Variants in APBB2 observed in about 807,000 individuals in gnomAD.
The protein encoded by APBB2 is Fe65-like 1.
In APBB2, 38 loss-of-function variants were observed where a neutral mutation model predicts 82.5. That is an observed-to-expected ratio of 0.46 (90% CI 0.36 to 0.60). APBB2 has a LOEUF of 0.60. Ranked by LOEUF, APBB2 falls within the 20% of genes least tolerant of loss-of-function variation. The pLI is 0.00. For missense variants in APBB2, 772 were observed against 972.3 expected (o/e 0.79, Z 2.74); for synonymous variants, 341 against 368.2 (o/e 0.93, Z 0.85).
At chr4:40,907,268 ATTAAG>A (rs1777013953) in intron 10 of APBB2, among the ~76,000 whole-genome samples, 1 of 150,490 alleles carries the variant, frequency 6.6e-6, no homozygotes. Context: ...TAATGCAGTA[ATTAAG>A]TTAAATGAGC....
chr4:40,905,105 G>A (rs911677647), intron 10 of APBB2, among the ~76,000 whole-genome samples: 1 of 152,176 alleles, frequency 6.6e-6, no homozygotes, highest in South Asian at 2.1e-4. Context: ...CAAAGAGGAC[G>A]GTCATGATCA....
chr4:40,854,732 T>C (rs1436487927), intron 12 of APBB2, among the ~76,000 whole-genome samples: 1 of 138,626 alleles, frequency 7.2e-6, no homozygotes, highest in Non-Finnish European at 1.5e-5. Context: ...CAGGTTGCAG[T>C]AAGCCAAGAT....
At chr4:41,198,266 G>A in intron 1 of APBB2, among the ~76,000 whole-genome samples, 1 of 152,148 alleles carries the variant, frequency 6.6e-6, no homozygotes, top group East Asian at 1.9e-4. Flanking sequence ...TGTTAATGGA[G>A]GAATAAGCGC....
At chr4:41,011,148 GT>G (rs1029284742) in intron 6 of APBB2, among the ~76,000 whole-genome samples, 7,672 of 143,360 alleles carry the variant, frequency 0.054, 412 homozygotes, top group African/African-American at 0.14. Context: ...GATTATTATT[GT>G]TTTTTTTTTT....
intron 12 of APBB2, among the ~76,000 whole-genome samples, chr4:40,843,172 C>A (rs769537061): frequency 6.6e-6 from 1 of 152,142 alleles, no homozygotes; most frequent in African/African-American, 2.4e-5. Flanking sequence ...GCAACTAGAC[C>A]GAAGAGCATG....
Position 41,013,754 on chromosome 4 carries a change from G to C in APBB2, c.664C>G (p.Gln222Glu). The C allele has an allele frequency of 2.5e-6, 4 of 1,614,174 alleles. No individual in the cohort carries two copies. The highest frequency in any genetic ancestry group is 1.7e-6 in the Non-Finnish European group (2 of 1,180,030). ...GGGCTGGATGACACTGTGGCTACTT[G>C]GCCGTCTTCAGGGCTGGACTGGGGT... ...NRPQSSPEDGQVATVSSSPET... is the reference protein window; with the variant it reads ...NRPQSSPEDGEVATVSSSPET... The change falls in exon 6 of 18, where the codon CAA becomes GAA. Residue 222 changes from glutamine to glutamate, a missense_variant. By Grantham distance (29) the Gln-to-Glu change is conservative (BLOSUM62 2). Transcript: ENST00000508593.
rs966460898 is a variant in APBB2 at position 40,832,438 on chromosome 4, C to T, written c.1530-1861G>A. On this transcript the variant is annotated intron_variant, in intron 12 of 17. Transcript: ENST00000508593. The surrounding 1 kb of genome is among the most constrained non-coding windows in gnomAD (Gnocchi z 4.8). The stretch of plus-strand genomic sequence containing the variant: ...ACCGGCAATCCACACATGACCCCAA[C>T]ATTTCTCCTCCCAACCTACTCCTGC... 7.9e-4 allele frequency among the ~76,000 whole-genome samples: 121 copies of T among 152,334 alleles called. No individual in the cohort carries two copies. Among genetic ancestry groups the T allele is most frequent in the African/African-American group, 2.7e-3 (114 of 41,574 alleles).
chr4:40,814,558 T>G lies in APBB2; in HGVS notation c.*1534A>C, dbSNP rs756271299. On this transcript the variant is annotated 3_prime_UTR_variant, in exon 18 of 18. Coordinates refer to ENST00000508593, the MANE Select transcript of APBB2 (RefSeq NM_004307.2). ...TAGTACCTTCTCTACCTGGTAAGGC[T>G]CAGATGTGATAAGAATGTGGAAACC... 1 of 152,222 alleles carries G rather than the reference T, an allele frequency of 6.6e-6. No individual in the cohort carries two copies. The highest frequency in any genetic ancestry group is 1.5e-5 in the Non-Finnish European group (1 of 68,042). The allele number at this position is 152,222 out of a possible 1,614,324, so 9.4% of individuals were successfully genotyped here.
At chr4:40,864,256 AAAAACAAAACAAAAC>A (rs367804062) in intron 12 of APBB2, among the ~76,000 whole-genome samples, 2 of 149,894 alleles carry the variant, frequency 1.3e-5, no homozygotes, top group African/African-American at 2.5e-5. Flanking sequence ...CCGTCTCAAT[AAAAACAAAACAAAAC>A]AAAACAAAAC....
rs768351482 is a variant in APBB2, at chr4:41,013,860, C to T, written c.558G>A (p.Ala186=). ...CCTGGACTGGCTGGGATTTCTCTTCCGCAGTCCCATGGTGATTGCCTCGGT... is the reference window on the plus strand; with the variant it reads ...CCTGGACTGGCTGGGATTTCTCTTCTGCAGTCCCATGGTGATTGCCTCGGT... ...EQNRGNHHGT[A]EEKSQPVQGQ... Residue 186 remains alanine (A), a synonymous_variant, in exon 6 of 18, where the codon GCG becomes GCA. Transcript: ENST00000508593. 1.1e-5 allele frequency: 18 copies of T among 1,614,054 alleles called. No homozygotes were observed. The highest frequency in any genetic ancestry group is 6.7e-5 in the African/African-American group (5 of 74,916).
At chr4:41,184,209 G>A (rs10022718) in intron 1 of APBB2, among the ~76,000 whole-genome samples, 45,227 of 151,908 alleles carry the variant, frequency 0.3, 6,793 homozygotes, top group Middle Eastern at 0.33. Context: ...AGCTTCATTC[G>A]CTGGCCTGCC....
Position 41,022,135 on chromosome 4 carries a change from G to A in APBB2, c.20-7737C>T, listed in dbSNP as rs1201191419. On this transcript the variant is annotated intron_variant, in intron 5 of 17. Coordinates refer to ENST00000508593, the MANE Select transcript of APBB2 (RefSeq NM_004307.2). ...CCAGAAGGAATAAATTCCGGACACAGAGGAACAGATGTGAAGGGAATGAGG... is the reference window on the plus strand; with the variant it reads ...CCAGAAGGAATAAATTCCGGACACAAAGGAACAGATGTGAAGGGAATGAGG... Among the ~76,000 whole-genome samples the A allele has an allele frequency of 3.9e-5, 6 of 152,208 alleles. No individual in the cohort carries two copies. In the East Asian group the frequency reaches 1.2e-3, roughly 29 times the overall value.
chr4:40,948,485 G>A (rs935456336), intron 6 of APBB2, among the ~76,000 whole-genome samples: 1 of 152,084 alleles, frequency 6.6e-6, no homozygotes, highest in Non-Finnish European at 1.5e-5. Flanking sequence ...GGACGGCTAG[G>A]GGCAGTGGCT....
At position 40,950,221 on chromosome 4, in the gene APBB2, T is replaced by C. The variant is rs1047810395; in HGVS notation, c.836-5148A>G. Among the ~76,000 whole-genome samples the C allele has an allele frequency of 1.3e-5, 2 of 152,240 alleles. 1 individual carries two copies. ...GCAGGCATGTAGAACAACAGGATCT[T>C]GTAGATACTACTGCTCGTAGAAGGG... On this transcript the variant is annotated intron_variant, in intron 6 of 17. Coordinates refer to ENST00000508593, the MANE Select transcript of APBB2 (RefSeq NM_004307.2).
intron 12 of APBB2, among the ~76,000 whole-genome samples, chr4:40,865,661 G>C (rs1763877498): frequency 6.6e-6 from 1 of 152,188 alleles, no homozygotes; most frequent in Non-Finnish European, 1.5e-5. Flanking sequence ...ATGTACAAGA[G>C]TTTGTGTATC....
chr4:41,041,088 G>A (rs138158739), intron 4 of APBB2, among the ~76,000 whole-genome samples: 1,917 of 152,216 alleles, frequency 0.013, 43 homozygotes, highest in African/African-American at 0.044. Flanking sequence ...CACCGTGTTA[G>A]CCAGGATGGT....
At chr4:40,857,192 T>A in intron 12 of APBB2, 1 of 984,466 alleles carries the variant, frequency 1.0e-6, no homozygotes, top group East Asian at 1.1e-4. Context: ...GCGCCCTCCC[T>A]GCCCCGCCCG....
intron 1 of APBB2, among the ~76,000 whole-genome samples, chr4:41,202,007 C>G (rs1052255310): frequency 1.3e-5 from 2 of 152,210 alleles, no homozygotes; most frequent in Admixed American, 6.5e-5. Flanking sequence ...GAGCTTCAGA[C>G]CCAGCAGCAG....
intron 3 of APBB2, among the ~76,000 whole-genome samples, chr4:41,093,731 G>A (rs957322514): frequency 6.6e-6 from 1 of 152,142 alleles, no homozygotes; most frequent in Non-Finnish European, 1.5e-5. Flanking sequence ...GCGCACGCCT[G>A]TAATCCCAGC....
Sources: allele counts gnomAD v4.1 joint callset (sites outside exome capture counted in the v4.1 genomes callset), GRCh38; gene constraint gnomAD v4.1.1; non-coding constraint Gnocchi (gnomAD v3.1); transcripts MANE v1.5; gene names NCBI Gene and HGNC (gene_info 2026-07-23, HGNC 2026-07-21).